Variants in IARS2 observed in about 807,000 individuals in gnomAD.
IARS2 encodes the protein isoleucine--tRNA ligase, mitochondrial.
IARS2 carries 56 observed loss-of-function variants against 126.3 expected under a neutral mutation model. The ratio of observed to expected loss-of-function variants is 0.44; its 90% CI spans 0.36 to 0.55. IARS2 has a LOEUF of 0.55. Among genes scored for constraint, IARS2 ranks in the 20% least tolerant of loss-of-function variants. The pLI, the probability that IARS2 is intolerant of heterozygous loss-of-function variation, is 0.00. For synonymous variants in IARS2, 407 were observed against 441.1 expected (o/e 0.92, Z 0.97); for missense variants, 1,127 against 1,245.9 (o/e 0.90, Z 1.44).
Position 220,094,174 on chromosome 1 carries a change from TG to T in IARS2, c.-39del. On this transcript the variant is annotated 5_prime_UTR_variant, in exon 1 of 23. Transcript: ENST00000366922. ...TTCCTGGGGTCCTGCCCCTTCAAGC[TG>T]GGGCGGGAGCGGAGGACCCCGCTCT... 1 of 1,500,284 alleles carries T rather than the reference TG, an allele frequency of 6.7e-7. No homozygotes were observed. The allele number at this position is 1,500,284 out of a possible 1,614,324, so 92.9% of individuals were successfully genotyped here.
intron 12 of IARS2, among the ~76,000 whole-genome samples, chr1:220,115,539 GAC>G (rs1310540465): frequency 1.3e-5 from 2 of 152,068 alleles, no homozygotes; most frequent in Admixed American, 1.3e-4. Context: ...CAGCCTGGGT[GAC>G]AGAGTGAGAC....
At chr1:220,140,584 A>G (rs1657466259) in intron 19 of IARS2, among the ~76,000 whole-genome samples, 1 of 151,956 alleles carries the variant, frequency 6.6e-6, no homozygotes, top group Non-Finnish European at 1.5e-5. Context: ...GTCTCAAAAA[A>G]TAACAACAAC....
At chr1:220,115,471 A>G (rs1426264936) in intron 12 of IARS2, among the ~76,000 whole-genome samples, 2 of 152,058 alleles carry the variant, frequency 1.3e-5, no homozygotes, top group African/African-American at 4.8e-5. Flanking sequence ...TCAGGCAGAG[A>G]ACTGCTTGAA....
At chr1:220,094,565 C>T (rs1656397004) in intron 1 of IARS2, 82 bp downstream of exon 1, 1 of 1,182,930 alleles carries the variant, frequency 8.5e-7, no homozygotes, top group Non-Finnish European at 1.2e-6. Context: ...CGCCACACCT[C>T]TAGGCTCCAC....
chr1:220,144,311 T>A (rs1160453373), intron 21 of IARS2: 5 of 754,978 alleles, frequency 6.6e-6, no homozygotes, highest in Non-Finnish European at 1.2e-5. Context: ...GCATTGTTGA[T>A]GCTCTTGAGA....
At chr1:220,111,339 A>G (rs1482435621) in intron 11 of IARS2, among the ~76,000 whole-genome samples, 1 of 152,146 alleles carries the variant, frequency 6.6e-6, no homozygotes, top group Non-Finnish European at 1.5e-5. Flanking sequence ...ATATGGTCTG[A>G]TACATAATAA....
chr1:220,103,145 A>G (rs982169442), intron 7 of IARS2, among the ~76,000 whole-genome samples: 2 of 151,728 alleles, frequency 1.3e-5, no homozygotes, highest in Non-Finnish European at 2.9e-5. Context: ...GGTTCAAGCA[A>G]TTTTCCTGCC....
intron 11 of IARS2, among the ~76,000 whole-genome samples, chr1:220,113,240 A>G (rs999450063): frequency 6.6e-6 from 1 of 152,180 alleles, no homozygotes; most frequent in Non-Finnish European, 1.5e-5. Context: ...GCAAAATCAA[A>G]TATCTATTCA....
At position 220,147,834 on chromosome 1, in the gene IARS2, G is replaced by GAAAT; in HGVS notation, c.*201_*204dup. On this transcript the variant is annotated 3_prime_UTR_variant, in exon 23 of 23. Coordinates refer to ENST00000366922, the MANE Select transcript of IARS2 (RefSeq NM_018060.4). Reference sequence around the variant, plus strand: ...AAAGAATTATGTATATATACATGCAGAAATATATATGTGTGTGTGTATCTG... The same window carrying GAAAT: ...AAAGAATTATGTATATATACATGCAGAAATAAATATATATGTGTGTGTGTATCTG... 2 of 575,626 alleles carry GAAAT rather than the reference G, an allele frequency of 3.5e-6. No individual in the cohort carries two copies. Among genetic ancestry groups the GAAAT allele is most frequent in the Non-Finnish European group, 6.1e-6 (2 of 326,000 alleles). The allele number at this position is 575,626 out of a possible 1,614,324, so 35.7% of individuals were successfully genotyped here.
intron 12 of IARS2, among the ~76,000 whole-genome samples, chr1:220,115,022 A>G (rs1656886478): frequency 6.6e-6 from 1 of 151,996 alleles, no homozygotes; most frequent in African/African-American, 2.4e-5. Context: ...ACTGAAAAGT[A>G]GGCTTTTTCC....
At chr1:220,133,455 C>T (rs1309182266) in intron 14 of IARS2, among the ~76,000 whole-genome samples, 1 of 152,148 alleles carries the variant, frequency 6.6e-6, no homozygotes, top group Non-Finnish European at 1.5e-5. Flanking sequence ...TGGTTTGATT[C>T]AGTTATTTAA....
intron 11 of IARS2, among the ~76,000 whole-genome samples, chr1:220,111,994 A>G (rs1459724270): frequency 6.6e-6 from 1 of 151,932 alleles, no homozygotes; most frequent in Non-Finnish European, 1.5e-5. Context: ...ACTTTTTTGT[A>G]AAGTTAAAAA....
intron 2 of IARS2, among the ~76,000 whole-genome samples, chr1:220,099,161 G>A (rs1201384754): frequency 3.4e-5 from 5 of 148,194 alleles, no homozygotes; most frequent in Non-Finnish European, 7.4e-5. Context: ...GCAGTGAGCC[G>A]AGATTGTACC....
chr1:220,108,426 G>C (rs1215424605), intron 10 of IARS2, among the ~76,000 whole-genome samples: 5 of 150,426 alleles, frequency 3.3e-5, no homozygotes, highest in African/African-American at 4.9e-5. Context: ...TCGCTCTGTT[G>C]CCCAGGCTGG....
Position 220,147,715 on chromosome 1 carries a change from G to GA in IARS2, c.*83dup. The GA allele has an allele frequency of 6.8e-7, 1 of 1,464,380 alleles. No individual in the cohort carries two copies. Among genetic ancestry groups the GA allele is most frequent in the South Asian group, 1.3e-5 (1 of 78,836 alleles). 90.7% of individuals were successfully genotyped at this position (1,464,380 alleles called of 1,614,324 possible). A position where few individuals can be genotyped will look rare whatever the true frequency, so the allele number is the denominator to read the frequency against. Reference sequence around the variant, plus strand: ...GATGGATTATTTACAATATAGGAAAGAAAGCCAAGATTTAGGTAATGAGTG... The same window carrying GA: ...GATGGATTATTTACAATATAGGAAAGAAAAGCCAAGATTTAGGTAATGAGTG... On this transcript the variant is annotated 3_prime_UTR_variant, in exon 23 of 23. Coordinates refer to ENST00000366922, the MANE Select transcript of IARS2 (RefSeq NM_018060.4).
At chr1:220,102,017 T>A in intron 3 of IARS2, 112 bp from the exon 4 acceptor site, 2 of 1,018,280 alleles carry the variant, frequency 2.0e-6, no homozygotes, top group South Asian at 1.5e-5. Context: ...TCAAAAAAAA[T>A]TTGCATTCTA....
rs1571849472 is a variant in IARS2, at chr1:220,110,876, T to C, written c.1418T>C (p.Val473Ala). 2 of 1,613,964 alleles carry C rather than the reference T, an allele frequency of 1.2e-6. No individual in the cohort carries two copies. The highest frequency in any genetic ancestry group is 1.7e-6 in the Non-Finnish European group (2 of 1,179,958). Residue 473 changes from valine (V) to alanine (A), a missense_variant, in exon 11 of 23, where the codon GTG becomes GCG. Transcript: ENST00000366922. ...TATGACTGGAGGACCAAGAAACCTG[T>C]GGTTATTCGTGCCAGCAAGCAGTGG... is the stretch of plus-strand genomic sequence containing the variant. ...YPYDWRTKKP[V>A]VIRASKQWFI...
chr1:220,134,287 A>G (rs1571861358), intron 14 of IARS2, 115 bp from the exon 15 acceptor site: 2 of 687,168 alleles, frequency 2.9e-6, no homozygotes, highest in Non-Finnish European at 4.7e-6. Flanking sequence ...AGTTTTCTCT[A>G]TTGTAAAGTT....
Position 220,094,430 on chromosome 1 carries a change from C to T in IARS2, c.214C>T (p.Pro72Ser). Residue 72 changes from proline to serine, a missense_variant, in exon 1 of 23, where the codon CCC (proline) becomes TCC (serine). Physicochemically the swap from Pro to Ser is moderately conservative, Grantham distance 74. Transcript: ENST00000366922. Reference sequence around the variant, plus strand: ...GGTGCTGCTGCCGCAGACGAGCTTCCCCATGAAGCTGCTGGGCCGCCAGCA... The same window carrying T: ...GGTGCTGCTGCCGCAGACGAGCTTCTCCATGAAGCTGCTGGGCCGCCAGCA... ...DTVLLPQTSFPMKLLGRQQPD... is the reference protein window; with the variant it reads ...DTVLLPQTSFSMKLLGRQQPD... The T allele has an allele frequency of 1.9e-6, 3 of 1,611,860 alleles. No individual in the cohort carries two copies. The highest frequency in any genetic ancestry group is 2.5e-6 in the Non-Finnish European group (3 of 1,179,382).
Sources: allele counts gnomAD v4.1 joint callset (sites outside exome capture counted in the v4.1 genomes callset), GRCh38; gene constraint gnomAD v4.1.1; transcripts MANE v1.5; gene names NCBI Gene and HGNC (gene_info 2026-07-23, HGNC 2026-07-21).